The following LATS2 variants were observed in gnomAD, a reference collection of about 807,000 sequenced individuals.
The protein encoded by LATS2 is large tumor suppressor kinase 2, also known as serine/threonine-protein kinase LATS2.
In LATS2, 24 loss-of-function variants were observed where a neutral mutation model predicts 76.0. The observed-to-expected ratio is 0.32, with a 90% CI of 0.23 to 0.44. The LOEUF is 0.44. Among genes scored for constraint, LATS2 ranks in the 20% least tolerant of loss-of-function variants. The probability of loss-of-function intolerance (pLI) is 1.00; values close to 1 mark genes in which losing one functional copy is unlikely to be tolerated. For synonymous variants in LATS2, 692 were observed against 635.4 expected (o/e 1.09, Z -1.34); for missense variants, 1,286 against 1,481.2 (o/e 0.87, Z 2.16).
chr13:20,989,909 T>G (rs1595217965), intron 3 of LATS2, among the ~76,000 whole-genome samples: 2 of 152,380 alleles, frequency 1.3e-5, no homozygotes, highest in African/African-American at 4.8e-5. Context: ...TGATTTCATC[T>G]GCTGCTACCT....
In LATS2 at chr13:21,052,894, G is replaced by A. The variant is rs142969829; in HGVS notation, c.-204-6664C>T. 4.6e-5 allele frequency among the ~76,000 whole-genome samples: 7 copies of A among 152,188 alleles called. No homozygotes were observed. In the East Asian group the frequency reaches 5.8e-4, roughly 13 times the overall value. ...TGATCCTGTGTATGTCAAAGGCACC[G>A]ATGCTTCCTGTCCTCCCCAACCTGC... On this transcript the variant is annotated intron_variant, in intron 1 of 7. Transcript: ENST00000382592.
intron 2 of LATS2, among the ~76,000 whole-genome samples, chr13:21,027,836 T>G (rs1355497692): frequency 6.6e-6 from 1 of 152,206 alleles, no homozygotes; most frequent in Non-Finnish European, 1.5e-5. Flanking sequence ...TTCTGCTGGA[T>G]CCACAGATAA....
Position 20,973,278 on chromosome 13 carries a change from CTTTAT to C in LATS2, c.*1587_*1591del. The C allele has an allele frequency of 4.3e-6, 1 of 231,538 alleles. No individual in the cohort carries two copies. The highest frequency in any genetic ancestry group is 8.6e-6 in the Non-Finnish European group (1 of 116,844). The allele number at this position is 231,538 out of a possible 1,614,324, so 14.3% of individuals were successfully genotyped here. ...CAAATGTAAACCAGTACACAGGAAT[CTTTAT>C]TTTTTTAGTTTAAACACTGATAAAC... On this transcript the variant is annotated 3_prime_UTR_variant, in exon 8 of 8. Coordinates refer to ENST00000382592, the MANE Select transcript of LATS2 (RefSeq NM_014572.3).
At chr13:21,054,750 C>A (rs2138417646) in intron 1 of LATS2, among the ~76,000 whole-genome samples, 1 of 152,320 alleles carries the variant, frequency 6.6e-6, no homozygotes, top group East Asian at 1.9e-4. Flanking sequence ...GATCAGGAGT[C>A]CTGGTTTTTC....
At chr13:21,048,698 A>G (rs1185620884) in intron 1 of LATS2, among the ~76,000 whole-genome samples, 6 of 151,966 alleles carry the variant, frequency 3.9e-5, no homozygotes, top group Non-Finnish European at 2.9e-5. Flanking sequence ...TTAGCCAGGC[A>G]TGGTGGCGGG....
intron 2 of LATS2, among the ~76,000 whole-genome samples, chr13:21,027,429 C>T (rs1872349360): frequency 6.6e-6 from 1 of 152,190 alleles, no homozygotes; most frequent in Admixed American, 6.5e-5. Context: ...ATCAGACTAT[C>T]CAATTGTCTC....
Position 20,974,956 on chromosome 13 carries a change from C to T in LATS2, c.3181G>A (p.Ala1061Thr). The T allele has an allele frequency of 1.2e-6, 2 of 1,614,198 alleles. No individual in the cohort carries two copies. The highest frequency in any genetic ancestry group is 1.7e-6 in the Non-Finnish European group (2 of 1,180,044). The change falls in exon 8 of 8, where the codon GCA becomes ACA. Residue 1061 changes from alanine to threonine, a missense_variant. Transcript: ENST00000382592. ...GAGCTCTCAGCCTGTGAAGCTTCTG[C>T]TCCTGAAGGCTTTGGGCATCGAAAG... Reference protein sequence around the residue: ...YPFRCPKPSGAEASQAESSDL... With the variant: ...YPFRCPKPSGTEASQAESSDL...
chr13:21,013,285 A>G (rs1283012874), intron 2 of LATS2, among the ~76,000 whole-genome samples: 2 of 152,198 alleles, frequency 1.3e-5, no homozygotes, highest in African/African-American at 4.8e-5. Flanking sequence ...GTTCTGCCCA[A>G]TTGGACCTGA....
intron 4 of LATS2, among the ~76,000 whole-genome samples, chr13:20,986,610 C>A (rs1870155633): frequency 6.6e-6 from 1 of 151,998 alleles, no homozygotes; most frequent in Non-Finnish European, 1.5e-5. Flanking sequence ...ATGATAGTTA[C>A]CAGAGGTGGG....
intron 2 of LATS2, among the ~76,000 whole-genome samples, chr13:21,033,398 G>A (rs1045646467): frequency 6.6e-6 from 1 of 152,020 alleles, no homozygotes. Flanking sequence ...TTTCTACTGT[G>A]ACCTCAGACA....
rs1057277264 is a variant in LATS2 at position 20,991,101 on chromosome 13, C to A, written c.475+171G>T. 1.3e-5 allele frequency among the ~76,000 whole-genome samples: 2 copies of A among 152,262 alleles called. No homozygotes were observed. The highest frequency in any genetic ancestry group is 2.9e-5 in the Non-Finnish European group (2 of 68,050). ...CCACTTGGGGCTGCTCCCGCCAGGG[C>A]CTGACTCTGTCAGGGCAGGGCAGGC... On this transcript the variant is annotated intron_variant, in intron 3 of 7. Transcript: ENST00000382592. The surrounding 1 kb of genome is among the most constrained non-coding windows in gnomAD (Gnocchi z 4.9).
Position 20,988,536 on chromosome 13 carries a change from C to T in LATS2, c.1244G>A (p.Arg415Gln), listed in dbSNP as rs1460912842. Residue 415 changes from arginine (R) to glutamine (Q), a missense_variant, in exon 4 of 8, where the codon CGG (arginine) becomes CAG (glutamine). Arg to Gln is a conservative substitution (Grantham distance 43). Coordinates refer to ENST00000382592, the MANE Select transcript of LATS2 (RefSeq NM_014572.3). ...RTNSFNSHQP[R>Q]PGPPGKAEPS... ...CTCGGCCTTGCCAGGCGGACCGGGC[C>T]GCGGCTGGTGGCTGTTGAAGGAGTT... The T allele has an allele frequency of 3.2e-6, 5 of 1,574,236 alleles. No individual in the cohort carries two copies. The highest frequency in any genetic ancestry group is 1.8e-5 in the Admixed American group (1 of 55,596).
chr13:21,033,648 G>A (rs1461084751), intron 2 of LATS2, among the ~76,000 whole-genome samples: 1 of 149,154 alleles, frequency 6.7e-6, no homozygotes, highest in African/African-American at 2.5e-5. Flanking sequence ...ACGGCACAGA[G>A]TACAATTTGT....
chr13:20,988,587 G>A lies in LATS2; in HGVS notation c.1193C>T (p.Pro398Leu). ...GGTCCTGCTGGGCACTGGGCAGTCAGGCCGGAAGGCCACGTGCGCGCGCGG... is the reference window on the plus strand; with the variant it reads ...GGTCCTGCTGGGCACTGGGCAGTCAAGCCGGAAGGCCACGTGCGCGCGCGG... ...APPRAHVAFR[P>L]DCPVPSRTNS... Residue 398 changes from proline (P) to leucine (L), a missense_variant, in exon 4 of 8, where the codon CCT becomes CTT. Physicochemically the swap from Pro to Leu is moderately conservative, Grantham distance 98. This residue lies in a region of LATS2 where 710 missense variants were observed against 660.9 expected (regional missense o/e 1.07). Coordinates refer to ENST00000382592, the MANE Select transcript of LATS2 (RefSeq NM_014572.3). 1.3e-6 allele frequency: 2 copies of A among 1,588,936 alleles called. No individual in the cohort carries two copies. Among genetic ancestry groups the A allele is most frequent in the East Asian group, 2.2e-5 (1 of 44,494 alleles).
chr13:21,014,961 T>C (rs770193042), intron 2 of LATS2, among the ~76,000 whole-genome samples: 5 of 152,208 alleles, frequency 3.3e-5, no homozygotes, highest in Non-Finnish European at 5.9e-5. Flanking sequence ...TTGATGAGCC[T>C]CAACTGTGAG....
chr13:20,974,899 T>C lies in LATS2; in HGVS notation c.3238A>G (p.Thr1080Ala). The C allele has an allele frequency of 6.2e-7, 1 of 1,613,756 alleles. No individual in the cohort carries two copies. The highest frequency in any genetic ancestry group is 8.5e-7 in the Non-Finnish European group (1 of 1,179,898). ...DLESSDLVDQ[T>A]EGCQPVYV is the part of the protein sequence containing the mutation. The stretch of plus-strand genomic sequence containing the variant: ...ACGTACACAGGCTGGCAGCCTTCAG[T>C]CTGATCCACCAGATCAGAGCTTTCT... The change falls in exon 8 of 8, where the codon ACT (threonine) becomes GCT (alanine). Residue 1080 changes from threonine to alanine, a missense_variant. By Grantham distance (58) the Thr-to-Ala change is moderately conservative. Transcript: ENST00000382592.
intron 2 of LATS2, among the ~76,000 whole-genome samples, chr13:21,029,416 T>C (rs1214737447): frequency 1.3e-5 from 2 of 152,266 alleles, no homozygotes; most frequent in African/African-American, 4.8e-5. Context: ...TATATCCCAG[T>C]TGATCCTGAT....
Position 20,988,731 on chromosome 13 carries a change from G to A in LATS2, c.1049C>T (p.Pro350Leu), listed in dbSNP as rs1047262994. 2.5e-6 allele frequency: 4 copies of A among 1,569,116 alleles called. No individual in the cohort carries two copies. The Admixed American group carries it at 7.1e-5, about 28-fold the overall frequency. ...SDSPPQSLLT[P>L]SRNSLNVDLY... ...GTCCACGTTGAGGCTGTTCCGCGAG[G>A]GAGTGAGCAGGCTCTGCGGGGGGCT... Residue 350 changes from proline to leucine, a missense_variant, in exon 4 of 8, where the codon CCC (proline) becomes CTC (leucine). Physicochemically the swap from Pro to Leu is moderately conservative, Grantham distance 98 (BLOSUM62 -3). Around this residue, in one of 5 missense-constraint regions of LATS2, gnomAD observed 710 missense variants for 660.9 expected, o/e 1.07. Transcript: ENST00000382592.
chr13:20,983,800 G>C lies in LATS2; in HGVS notation c.1906C>G (p.Leu636Val). 6.2e-7 allele frequency: 1 copy of C among 1,609,340 alleles called. No homozygotes were observed. Among genetic ancestry groups the C allele is most frequent in the South Asian group, 1.1e-5 (1 of 90,952 alleles). Residue 636 changes from leucine (L) to valine (V), a missense_variant, in exon 5 of 8, where the codon CTC (leucine) becomes GTC (valine). This residue lies in a region of LATS2 where 247 missense variants were observed against 385.4 expected (regional missense o/e 0.64). Coordinates refer to ENST00000382592, the MANE Select transcript of LATS2 (RefSeq NM_014572.3). ...ATCTGCTCCTGCTCAGCTTCACAGA[G>C]TCCAGCCTGTGTAGAAGGAAAAGGA... Reference protein sequence around the residue: ...QLEQEMAKAGLCEAEQEQMRK... With the variant: ...QLEQEMAKAGVCEAEQEQMRK...
Sources: gnomAD v4.1 joint callset for allele counts (sites outside exome capture counted in the v4.1 genomes callset) on GRCh38, gnomAD v4.1.1 for gene constraint, gnomAD v4.1.1 regional missense constraint, Gnocchi (gnomAD v3.1) non-coding constraint, MANE v1.5 for transcripts, NCBI Gene and HGNC (gene_info 2026-07-23, HGNC 2026-07-21) for gene names.